COBL: variants seen among roughly 807,000 people sequenced by gnomAD.
COBL encodes the protein protein cordon-bleu.
In COBL, 51 loss-of-function variants were observed where a neutral mutation model predicts 98.8. That is an observed-to-expected ratio of 0.52 (90% confidence interval 0.41 to 0.65). COBL has a LOEUF of 0.65. Ranked by LOEUF, COBL falls within the 30% of genes least tolerant of loss-of-function variation. COBL has a pLI of 0.00. For missense variants in COBL, 1,617 were observed against 1,617.5 expected, an observed-to-expected ratio of 1.00 and a Z score of 0.01; for synonymous variants, 634 against 651.7, an observed-to-expected ratio of 0.97 and a Z score of 0.41.
intron 6 of COBL, among the ~76,000 whole-genome samples, chr7:51,090,944 A>G (rs538851452): frequency 6.6e-6 from 1 of 152,258 alleles, no homozygotes; most frequent in Non-Finnish European, 1.5e-5. Context: ...AGAAGAAATC[A>G]GCAAACCTTC....
chr7:51,187,600 C>T (rs1243489397), intron 4 of COBL, among the ~76,000 whole-genome samples: 4 of 152,098 alleles, frequency 2.6e-5, no homozygotes, highest in Admixed American at 6.5e-5. Context: ...GCCTTTCCTG[C>T]GCACACCACT....
chr7:51,044,623 A>G (rs992132146), intron 7 of COBL, among the ~76,000 whole-genome samples: 24 of 152,374 alleles, frequency 1.6e-4, no homozygotes, highest in Middle Eastern at 3.4e-3. Context: ...ACTATTTATA[A>G]CAGTCCAGAA....
chr7:51,181,580 G>T (rs1303917902), intron 5 of COBL, among the ~76,000 whole-genome samples: 1 of 152,164 alleles, frequency 6.6e-6, no homozygotes, highest in Non-Finnish European at 1.5e-5. Flanking sequence ...TGTAACTACG[G>T]CTGAATGGAG....
At chr7:51,092,134 G>A (rs996350243) in intron 6 of COBL, among the ~76,000 whole-genome samples, 1 of 152,162 alleles carries the variant, frequency 6.6e-6, no homozygotes, top group African/African-American at 2.4e-5. Context: ...TGTGAACTGT[G>A]CATGCATGGG....
intron 3 of COBL, among the ~76,000 whole-genome samples, chr7:51,192,294 T>C (rs993932997): frequency 5.9e-5 from 9 of 152,276 alleles, no homozygotes; most frequent in African/African-American, 1.9e-4. Flanking sequence ...GCTAAAAGAT[T>C]AATATCAAAG....
Position 51,016,406 on chromosome 7 carries a change from C to A in COBL, c.*1145G>T, listed in dbSNP as rs1195197974. ...AGTGACCTCACCATACTTGTTTTCT[C>A]ACTCAGATACACATTTTATTTCATC... On this transcript the variant is annotated 3_prime_UTR_variant, in exon 13 of 13. Coordinates refer to ENST00000265136, the MANE Select transcript of COBL (RefSeq NM_015198.5). 2.0e-5 allele frequency: 3 copies of A among 152,282 alleles called. No homozygotes were observed. The highest frequency in any genetic ancestry group is 7.2e-5 in the African/African-American group (3 of 41,458). The allele number at this position is 152,282 out of a possible 1,614,324, so 9.4% of individuals were successfully genotyped here. A position where few individuals can be genotyped will look rare whatever the true frequency, so the allele number is the denominator to read the frequency against.
At chr7:51,247,082 TGTG>T (rs1044239290) in intron 1 of COBL, among the ~76,000 whole-genome samples, 2 of 152,214 alleles carry the variant, frequency 1.3e-5, no homozygotes, top group South Asian at 2.1e-4. Context: ...CGCGGAATCT[TGTG>T]GTGACCGTGC....
chr7:51,171,563 T>G (rs1335249713), intron 5 of COBL, among the ~76,000 whole-genome samples: 2 of 152,188 alleles, frequency 1.3e-5, no homozygotes, highest in Non-Finnish European at 2.9e-5. Context: ...TAATTGTCTT[T>G]CATCTTATTA....
chr7:51,123,764 T>C (rs745454278), intron 6 of COBL, among the ~76,000 whole-genome samples: 3 of 152,220 alleles, frequency 2.0e-5, no homozygotes, highest in Non-Finnish European at 4.4e-5. Context: ...AGAATCTCTA[T>C]GTCTAACAAG....
intron 1 of COBL, among the ~76,000 whole-genome samples, chr7:51,234,537 C>A (rs978884201): frequency 6.6e-6 from 1 of 151,948 alleles, no homozygotes; most frequent in East Asian, 1.9e-4. Context: ...CCCCTCTCTA[C>A]GAAAAATACA....
chr7:51,206,904 C>T (rs995669093), intron 2 of COBL, among the ~76,000 whole-genome samples: 2 of 152,142 alleles, frequency 1.3e-5, no homozygotes, highest in Non-Finnish European at 2.9e-5. Flanking sequence ...GTTTCTGTTA[C>T]GAAGGACAAG....
intron 1 of COBL, among the ~76,000 whole-genome samples, chr7:51,282,303 T>C (rs886479443): frequency 6.6e-6 from 1 of 152,058 alleles, no homozygotes; most frequent in Non-Finnish European, 1.5e-5. Context: ...AAGACAGATA[T>C]TATTTAACTA....
At chr7:51,048,075 A>C (rs991487693) in intron 7 of COBL, among the ~76,000 whole-genome samples, 2 of 152,148 alleles carry the variant, frequency 1.3e-5, no homozygotes, top group African/African-American at 4.8e-5. Flanking sequence ...GTTGAGGCAG[A>C]GAATTGCTTG....
Position 51,016,848 on chromosome 7 carries a change from C to G in COBL, c.*703G>C, listed in dbSNP as rs565264046. On this transcript the variant is annotated 3_prime_UTR_variant, in exon 13 of 13. Coordinates refer to ENST00000265136, the MANE Select transcript of COBL (RefSeq NM_015198.5). The stretch of plus-strand genomic sequence containing the variant: ...GGTGTGACCTCAGCCACCCGCCACC[C>G]TTGCAGGACTCGGGCATGCCCTGGC... 20 of 398,422 alleles carry G rather than the reference C, an allele frequency of 5.0e-5. No individual in the cohort carries two copies. In the East Asian group the frequency reaches 6.8e-4, roughly 13 times the overall value. The allele number at this position is 398,422 out of a possible 1,614,324, so 24.7% of individuals were successfully genotyped here.
At chr7:51,046,756 C>T (rs1350363634) in intron 7 of COBL, among the ~76,000 whole-genome samples, 2 of 152,144 alleles carry the variant, frequency 1.3e-5, no homozygotes, top group African/African-American at 2.4e-5. Flanking sequence ...ATTTCCCACC[C>T]TCTGTCCAGC....
intron 8 of COBL, among the ~76,000 whole-genome samples, chr7:51,042,352 A>T (rs1789281284): frequency 6.6e-6 from 1 of 152,182 alleles, no homozygotes; most frequent in Non-Finnish European, 1.5e-5. Context: ...AAACATAACA[A>T]TGTTTAATTT....
chr7:51,315,866 G>A (rs983840519), intron 1 of COBL, among the ~76,000 whole-genome samples: 9 of 151,968 alleles, frequency 5.9e-5, no homozygotes, highest in African/African-American at 2.2e-4. Context: ...GAAACCGGGA[G>A]AGGTTTGGGC....
chr7:51,188,069 A>G, intron 4 of COBL: 1 of 865,314 alleles, frequency 1.2e-6, no homozygotes, highest in Middle Eastern at 4.0e-4. Flanking sequence ...CTGCTGCAGC[A>G]GTGAGAAGGT....
At chr7:51,049,759 T>C (rs1455195559) in intron 7 of COBL, among the ~76,000 whole-genome samples, 4 of 152,140 alleles carry the variant, frequency 2.6e-5, no homozygotes, top group Non-Finnish European at 4.4e-5. Flanking sequence ...TCAAATACTG[T>C]TGAGTGGTTG....
Sources: allele counts gnomAD v4.1 joint callset (sites outside exome capture counted in the v4.1 genomes callset), GRCh38; gene constraint gnomAD v4.1.1; transcripts MANE v1.5; gene names NCBI Gene and HGNC (gene_info 2026-07-23, HGNC 2026-07-21).